Variants in KDM2B observed in about 807,000 individuals in gnomAD.
KDM2B encodes the protein lysine-specific demethylase 2B.
Under a neutral mutation model 150.0 loss-of-function variants are expected in KDM2B, and 26 were observed. That is an observed-to-expected ratio of 0.17 (90% CI 0.13 to 0.24). The LOEUF (loss-of-function observed/expected upper bound fraction) is 0.24. Ranked by LOEUF, KDM2B falls within the 10% of genes least tolerant of loss-of-function variation. The probability of loss-of-function intolerance (pLI) is 1.00; values close to 1 mark genes in which losing one functional copy is unlikely to be tolerated. For missense variants in KDM2B, 1,265 were observed against 1,816.9 expected (o/e 0.70, Z 5.52); for synonymous variants, 734 against 729.5 (o/e 1.01, Z -0.10).
At chr12:121,548,140 C>A (rs1216773100) in intron 6 of KDM2B, among the ~76,000 whole-genome samples, 1 of 152,056 alleles carries the variant, frequency 6.6e-6, no homozygotes, top group African/African-American at 2.4e-5. Context: ...GGCCAGGCGC[C>A]GTGACTCACG....
At chr12:121,490,403 A>T (rs1337285871) in intron 12 of KDM2B, among the ~76,000 whole-genome samples, 1 of 152,182 alleles carries the variant, frequency 6.6e-6, no homozygotes, top group Non-Finnish European at 1.5e-5. Flanking sequence ...GCCACTAGAG[A>T]TAATGGATGA....
chr12:121,527,108 C>T (rs1780412588), intron 8 of KDM2B, among the ~76,000 whole-genome samples: 1 of 151,536 alleles, frequency 6.6e-6, no homozygotes, highest in Non-Finnish European at 1.5e-5. Flanking sequence ...AGTGCAGTGA[C>T]GTGATCTCTG....
chr12:121,579,109 G>A (rs2136698544), intron 1 of KDM2B, 163 bp from the exon 2 acceptor site: 2 of 767,268 alleles, frequency 2.6e-6, no homozygotes, highest in Non-Finnish European at 4.1e-6. Flanking sequence ...CTGAAAAGCA[G>A]GACAAGGAGA....
chr12:121,486,333 C>CTTTTTTTTTTTTTTTT (rs71079073), intron 12 of KDM2B, among the ~76,000 whole-genome samples: 1 of 59,008 alleles, frequency 1.7e-5, no homozygotes, highest in African/African-American at 7.8e-5. Context: ...TTTCGAACTC[C>CTTTTTTTTTTTTTTTT]TTTTTTTTTT....
At chr12:121,581,222 T>C (rs1891947031), upstream of KDM2B, 1 of 289,488 alleles carries the variant, frequency 3.5e-6, no homozygotes, top group Non-Finnish European at 6.5e-6. Flanking sequence ...CGCAGAGAAT[T>C]GGATCTGGCG....
chr12:121,461,626 CAGA>C (rs1879132993), intron 12 of KDM2B, among the ~76,000 whole-genome samples: 1 of 152,060 alleles, frequency 6.6e-6, no homozygotes, highest in Admixed American at 6.6e-5. Context: ...ACTTGAGCAA[CAGA>C]AGAACAAGGG....
intron 2 of KDM2B, among the ~76,000 whole-genome samples, chr12:121,576,842 C>A (rs374766022): frequency 2.0e-5 from 3 of 152,350 alleles, no homozygotes; most frequent in East Asian, 3.9e-4. Flanking sequence ...CCTCAGGCCA[C>A]TGAAGCTGCT....
chr12:121,509,517 C>CCTGCCCGGCCCTCCTCGG (rs1555303466), intron 11 of KDM2B, 50 bp downstream of exon 11: 1 of 1,589,782 alleles, frequency 6.3e-7, no homozygotes, highest in African/African-American at 1.3e-5. Context: ...CTGAACGGGA[C>CCTGCCCGGCCCTCCTCGG]CTGCCCGGCC....
chr12:121,482,416 C>T (rs1192250806), intron 12 of KDM2B, among the ~76,000 whole-genome samples: 2 of 152,124 alleles, frequency 1.3e-5, no homozygotes, highest in Non-Finnish European at 2.9e-5. Flanking sequence ...AATTCTCCTG[C>T]CTCAGCCTCC....
intron 6 of KDM2B, among the ~76,000 whole-genome samples, chr12:121,544,437 C>A (rs1888858128): frequency 6.6e-6 from 1 of 151,948 alleles, no homozygotes; most frequent in African/African-American, 2.4e-5. Context: ...TGGTGAAACC[C>A]CGTCTCTACT....
intron 6 of KDM2B, chr12:121,536,075 G>T: frequency 1.0e-6 from 1 of 985,852 alleles, no homozygotes; most frequent in Non-Finnish European, 1.2e-6. Flanking sequence ...GGAAGGAATG[G>T]GGCGGGGACG....
chr12:121,465,491 C>G, intron 12 of KDM2B, among the ~76,000 whole-genome samples: 1 of 152,170 alleles, frequency 6.6e-6, no homozygotes, highest in Non-Finnish European at 1.5e-5. Context: ...GCGTTGGCCT[C>G]CCAAAGTGCT....
At chr12:121,419,012 CTT>C in the KDM2B span, among the ~76,000 whole-genome samples, 1 of 152,228 alleles carries the variant, frequency 6.6e-6, no homozygotes, top group African/African-American at 2.4e-5. Context: ...CCAAGAGTGT[CTT>C]TTAATTAGTA....
chr12:121,539,162 C>G (rs1594082497), intron 6 of KDM2B, among the ~76,000 whole-genome samples: 1 of 151,602 alleles, frequency 6.6e-6, no homozygotes, highest in African/African-American at 2.4e-5. Flanking sequence ...TGTTTACATG[C>G]GTGATCTCGT....
At position 121,504,880 on chromosome 12, in the gene KDM2B, G is replaced by C. The variant is rs561884048; in HGVS notation, c.1647+4687C>G. Among the ~76,000 whole-genome samples, 15 of 152,262 alleles carry C rather than the reference G, an allele frequency of 9.9e-5. No individual in the cohort carries two copies. The South Asian group carries it at 2.1e-3, about 21-fold the overall frequency. ...GCCTGTAATCCCAGCACTATGGGAGGCCAAGGCGGGTGGATCACGAGGTCA... is the reference window on the plus strand; with the variant it reads ...GCCTGTAATCCCAGCACTATGGGAGCCCAAGGCGGGTGGATCACGAGGTCA... On this transcript the variant is annotated intron_variant, in intron 11 of 22. Coordinates refer to ENST00000377071, the MANE Select transcript of KDM2B (RefSeq NM_032590.5).
At position 121,429,913 on chromosome 12, in the gene KDM2B, C is replaced by G. The variant is rs1487562882; in HGVS notation, c.*375G>C. 8.1e-6 allele frequency: 5 copies of G among 614,612 alleles called. No homozygotes were observed. The African/African-American group carries it at 9.3e-5, about 11-fold the overall frequency. The allele number at this position is 614,612 out of a possible 1,614,324, so 38.1% of individuals were successfully genotyped here. ...TGTGTGGTCCACTTTATGTCAACAC[C>G]CAAAACCTCGGTGTTGCAAGGAATG... On this transcript the variant is annotated 3_prime_UTR_variant, in exon 23 of 23. Transcript: ENST00000377071.
At chr12:121,445,238 G>A in intron 14 of KDM2B, 37 bp downstream of exon 14, 3 of 1,602,626 alleles carry the variant, frequency 1.9e-6, no homozygotes, top group Non-Finnish European at 2.6e-6. Context: ...ACCTGCCCCA[G>A]AGCGTCAGCA....
At chr12:121,544,114 CAAAAAAAAAAA>C (rs57873693) in intron 6 of KDM2B, among the ~76,000 whole-genome samples, 3 of 42,928 alleles carry the variant, frequency 7.0e-5, no homozygotes, top group African/African-American at 2.5e-4. Context: ...GACCCTGCCT[CAAAAAAAAAAA>C]AAAAAAAAAA....
chr12:121,457,994 A>G (rs1261783727), intron 12 of KDM2B, among the ~76,000 whole-genome samples: 1 of 152,134 alleles, frequency 6.6e-6, no homozygotes, highest in African/African-American at 2.4e-5. Flanking sequence ...AAATTAAAGG[A>G]AAGACATCCG....
Sources: allele counts gnomAD v4.1 joint callset (sites outside exome capture counted in the v4.1 genomes callset), GRCh38; gene constraint gnomAD v4.1.1; transcripts MANE v1.5; gene names NCBI Gene and HGNC (gene_info 2026-07-23, HGNC 2026-07-21).